The following MCUB variants were observed in gnomAD, a reference collection of about 807,000 sequenced individuals.
MCUB encodes the protein mitochondrial calcium uniporter dominant negative subunit beta.
In MCUB, 46 loss-of-function variants were observed where a neutral mutation model predicts 41.4. The observed-to-expected ratio is 1.11, with a 90% CI of 0.88 to 1.42. The LOEUF (loss-of-function observed/expected upper bound fraction) is 1.42, where lower values mean the gene tolerates loss of function less well. MCUB is among the 40% of genes most tolerant of loss of function. The probability of loss-of-function intolerance (pLI) is 0.00; values close to 1 mark genes in which losing one functional copy is unlikely to be tolerated. For missense variants in MCUB, 403 were observed against 404.9 expected (o/e 1.00, Z 0.04); for synonymous variants, 148 against 148.2 (o/e 1.00, Z 0.01).
intron 1 of MCUB, among the ~76,000 whole-genome samples, chr4:109,619,490 G>A (rs1728206342): frequency 6.6e-6 from 1 of 152,160 alleles, no homozygotes; most frequent in South Asian, 2.1e-4. Flanking sequence ...GGCAGATCAT[G>A]AGATCAGGAG....
chr4:109,684,694 A>C (rs1729797336), intron 6 of MCUB, 48 bp downstream of exon 6: 1 of 905,538 alleles, frequency 1.1e-6, no homozygotes, highest in African/African-American at 1.6e-5. Flanking sequence ...CTTTGCAAAG[A>C]ATGTCTTATC....
chr4:109,585,881 T>C (rs976468418), intron 1 of MCUB, among the ~76,000 whole-genome samples: 3 of 152,212 alleles, frequency 2.0e-5, no homozygotes, highest in African/African-American at 7.2e-5. Flanking sequence ...CTTAACATTT[T>C]TTCTTTCATT....
In MCUB at chr4:109,687,525, C is replaced by G. The variant is rs1729876824; in HGVS notation, c.944C>G (p.Ser315Cys). 6.2e-7 allele frequency: 1 copy of G among 1,611,222 alleles called. No homozygotes were observed. The highest frequency in any genetic ancestry group is 8.5e-7 in the Non-Finnish European group (1 of 1,177,756). ...TTTTTCCCATGACAGGCTAAAGAATCCCTGAAACAGGCGCGTCATTCTCTC... is the reference window on the plus strand; with the variant it reads ...TTTTTCCCATGACAGGCTAAAGAATGCCTGAAACAGGCGCGTCATTCTCTC... The part of the protein sequence containing the change: ...LKEDLAKAKE[S>C]LKQARHSLCL... Residue 315 changes from serine (S) to cysteine (C), a missense_variant, in exon 8 of 8, where the codon TCC becomes TGC. By Grantham distance (112) the Ser-to-Cys change is moderately radical. Transcript: ENST00000394650.
chr4:109,569,208 G>A (rs1726851749), intron 1 of MCUB, among the ~76,000 whole-genome samples: 1 of 151,610 alleles, frequency 6.6e-6, no homozygotes. Flanking sequence ...CACCACGCCC[G>A]GCCAATTTTT....
intron 4 of MCUB, 62 bp from the exon 5 acceptor site, chr4:109,682,520 G>A: frequency 7.1e-7 from 1 of 1,398,874 alleles, no homozygotes; most frequent in Non-Finnish European, 9.8e-7. Context: ...GGGACCGAAA[G>A]ATTTACACAC....
chr4:109,626,582 G>T (rs536604510), intron 1 of MCUB, among the ~76,000 whole-genome samples: 1 of 152,176 alleles, frequency 6.6e-6, no homozygotes, highest in African/African-American at 2.4e-5. Flanking sequence ...GGAGGCCGAG[G>T]CAGGCGGATC....
intron 1 of MCUB, among the ~76,000 whole-genome samples, chr4:109,651,870 A>G (rs1728967933): frequency 6.6e-6 from 1 of 152,086 alleles, no homozygotes; most frequent in Non-Finnish European, 1.5e-5. Context: ...CTGGGCTCCA[A>G]CATTTTTTTC....
Position 109,586,758 on chromosome 4 carries a change from C to T in MCUB, c.99+26322C>T, listed in dbSNP as rs547364518. ...GTTTGCTGGAGGTCCACTCCAGACC[C>T]TGTTTGCCTGGGTATCACTAGCAGA... On this transcript the variant is annotated intron_variant, in intron 1 of 7. Coordinates refer to ENST00000394650, the MANE Select transcript of MCUB (RefSeq NM_017918.5). 5.9e-5 allele frequency among the ~76,000 whole-genome samples: 9 copies of T among 152,338 alleles called. No homozygotes were observed. In the South Asian group the frequency reaches 1.9e-3, roughly 32 times the overall value.
rs1048929905 is a variant in MCUB, at chr4:109,687,925, C to G, written c.*333C>G. The G allele has an allele frequency of 5.3e-5, 10 of 189,910 alleles. No individual in the cohort carries two copies. The Admixed American group carries it at 6.1e-4, about 12-fold the overall frequency. The allele number at this position is 189,910 out of a possible 1,614,324, so 11.8% of individuals were successfully genotyped here. A position where few individuals can be genotyped will look rare whatever the true frequency, so the allele number is the denominator to read the frequency against. On this transcript the variant is annotated 3_prime_UTR_variant, in exon 8 of 8. Transcript: ENST00000394650. ...TCCATTCTTAGACTTAATTTGGAAT[C>G]ATCCTTTTAAAAAAATCAGAGACCA...
intron 4 of MCUB, among the ~76,000 whole-genome samples, chr4:109,680,052 T>C (rs1397615976): frequency 1.3e-5 from 2 of 152,218 alleles, no homozygotes; most frequent in Non-Finnish European, 2.9e-5. Context: ...TCCACCCACC[T>C]TGGCCTCCCA....
At chr4:109,579,460 A>C (rs1162852175) in intron 1 of MCUB, among the ~76,000 whole-genome samples, 1 of 152,020 alleles carries the variant, frequency 6.6e-6, no homozygotes, top group African/African-American at 2.4e-5. Context: ...ATGTTGGCCA[A>C]GATGGTCTCA....
intron 1 of MCUB, among the ~76,000 whole-genome samples, chr4:109,603,767 T>TG (rs1417646274): frequency 6.7e-6 from 1 of 149,382 alleles, no homozygotes; most frequent in Non-Finnish European, 1.5e-5. Context: ...GTCTGGGAGG[T>TG]GGGGGGCGCC....
intron 1 of MCUB, among the ~76,000 whole-genome samples, chr4:109,652,333 TGAAGAA>T (rs1201412795): frequency 2.6e-5 from 4 of 152,210 alleles, no homozygotes; most frequent in Non-Finnish European, 5.9e-5. Context: ...CTCTTCTTCC[TGAAGAA>T]GTTCTTTAGC....
chr4:109,677,802 A>ATTTTTTTTTTTTTTTTTTTTT (rs71595506), intron 4 of MCUB, among the ~76,000 whole-genome samples: 1 of 86,606 alleles, frequency 1.2e-5, no homozygotes, highest in Admixed American at 1.3e-4. Context: ...AAGGAAACAA[A>ATTTTTTTTTTTTTTTTTTTTT]TTTTTTTTTT....
At chr4:109,613,996 C>T (rs545025596) in intron 1 of MCUB, among the ~76,000 whole-genome samples, 13 of 152,318 alleles carry the variant, frequency 8.5e-5, no homozygotes, top group African/African-American at 3.1e-4. Flanking sequence ...CATGAGTTTA[C>T]ATCTGTATAC....
chr4:109,580,324 G>A (rs1727140703), intron 1 of MCUB, among the ~76,000 whole-genome samples: 1 of 152,162 alleles, frequency 6.6e-6, no homozygotes, highest in South Asian at 2.1e-4. Context: ...ATGGTGAATA[G>A]TGCCACAATA....
At chr4:109,616,010 T>C (rs1219097052) in intron 1 of MCUB, among the ~76,000 whole-genome samples, 1 of 152,120 alleles carries the variant, frequency 6.6e-6, no homozygotes, top group African/African-American at 2.4e-5. Context: ...ACATGGTGAG[T>C]AGTAACTTAT....
intron 1 of MCUB, among the ~76,000 whole-genome samples, chr4:109,592,670 T>C (rs1727465006): frequency 6.6e-6 from 1 of 152,194 alleles, no homozygotes; most frequent in Non-Finnish European, 1.5e-5. Flanking sequence ...TGTTATTCCA[T>C]ACCACTGCAA....
chr4:109,673,967 C>G, intron 4 of MCUB: 1 of 861,842 alleles, frequency 1.2e-6, no homozygotes, highest in South Asian at 1.3e-5. Context: ...GCAGTTGTTG[C>G]ATATGGATTA....
Sources: gnomAD v4.1 joint callset for allele counts (sites outside exome capture counted in the v4.1 genomes callset) on GRCh38, gnomAD v4.1.1 for gene constraint, MANE v1.5 for transcripts, NCBI Gene and HGNC (gene_info 2026-07-23, HGNC 2026-07-21) for gene names.